Variants in CYFIP1 observed in about 807,000 individuals in gnomAD.
CYFIP1 encodes the protein cytoplasmic FMR1 interacting protein 1.
In CYFIP1, 58 loss-of-function variants were observed where a neutral mutation model predicts 163.5. That is an observed-to-expected ratio of 0.35 (90% CI 0.29 to 0.44). The LOEUF (loss-of-function observed/expected upper bound fraction) is 0.44. CYFIP1 is among the 20% of genes least tolerant of loss of function. CYFIP1 has a pLI of 1.00. For synonymous variants in CYFIP1, 663 were observed against 660.7 expected (o/e 1.00, Z -0.05); for missense variants, 1,338 against 1,653.8 (o/e 0.81, Z 3.31).
intron 1 of CYFIP1, among the ~76,000 whole-genome samples, chr15:22,973,385 C>G (rs929964389): frequency 8.0e-6 from 1 of 124,250 alleles, no homozygotes; most frequent in South Asian, 2.7e-4. Context: ...TTTTTCTACC[C>G]GTTCTTCACT....
chr15:22,970,010 AATT>A (rs2063037147), intron 1 of CYFIP1, among the ~76,000 whole-genome samples: 1 of 152,192 alleles, frequency 6.6e-6, no homozygotes, highest in South Asian at 2.1e-4. Context: ...ATTCCATAAT[AATT>A]ATTAGTTAGA....
intron 24 of CYFIP1, among the ~76,000 whole-genome samples, chr15:22,882,384 G>C (rs1010252413): frequency 6.6e-6 from 1 of 152,266 alleles, no homozygotes; most frequent in Non-Finnish European, 1.5e-5. Flanking sequence ...AGCGGGTCCT[G>C]GAAGGACCTG....
At chr15:22,871,974 G>A (rs542094391) in intron 30 of CYFIP1, among the ~76,000 whole-genome samples, 1 of 152,214 alleles carries the variant, frequency 6.6e-6, no homozygotes, top group East Asian at 1.9e-4. Context: ...AGCCTGTGGT[G>A]ATTTGTTGTC....
chr15:22,899,211 G>A (rs1417972595), intron 22 of CYFIP1, among the ~76,000 whole-genome samples: 1 of 152,080 alleles, frequency 6.6e-6, no homozygotes, highest in African/African-American at 2.4e-5. Flanking sequence ...TAAGAATAAT[G>A]AAGCAAGGAT....
chr15:22,935,398 A>G (rs879743903), intron 9 of CYFIP1, among the ~76,000 whole-genome samples: 1 of 152,112 alleles, frequency 6.6e-6, no homozygotes, highest in Non-Finnish European at 1.5e-5. Context: ...CGAAACCCCT[A>G]CCTCCTACCA....
chr15:22,932,836 C>A (rs771805132), intron 10 of CYFIP1, among the ~76,000 whole-genome samples: 5 of 152,026 alleles, frequency 3.3e-5, no homozygotes, highest in Non-Finnish European at 7.4e-5. Context: ...TCAGTCTCTT[C>A]TTTTTTTCTT....
chr15:22,901,378 C>T (rs563422284), intron 22 of CYFIP1, among the ~76,000 whole-genome samples: 1 of 152,142 alleles, frequency 6.6e-6, no homozygotes, highest in Non-Finnish European at 1.5e-5. Context: ...AACTTTTAAA[C>T]AGAAAAATGG....
chr15:22,871,016 G>A lies in CYFIP1; in HGVS notation c.3598-824C>T, dbSNP rs776870628. ...CTCAGGGGCAGATGCCAACAGCGGC[G>A]GTGGGGTGAGGAGCAGCCCGGGCGT... On this transcript the variant is annotated intron_variant, in intron 30 of 30. Coordinates refer to ENST00000617928, the MANE Select transcript of CYFIP1 (RefSeq NM_014608.6). Among the ~76,000 whole-genome samples the A allele has an allele frequency of 3.9e-5, 6 of 152,206 alleles. 1 individual carries two copies. Among genetic ancestry groups the A allele is most frequent in the South Asian group, 4.1e-4 (2 of 4,834 alleles).
chr15:22,869,795 G>T lies in CYFIP1; in HGVS notation c.*233C>A, dbSNP rs2059371829. 1 of 370,492 alleles carries T rather than the reference G, an allele frequency of 2.7e-6. No homozygotes were observed. Among genetic ancestry groups the T allele is most frequent in the Non-Finnish European group, 4.7e-6 (1 of 211,312 alleles). The allele number at this position is 370,492 out of a possible 1,614,324, so 23.0% of individuals were successfully genotyped here. ...ATCCCATAGAAAAACAATTTTGTAGGAACGTGATGGCAACAATCAGCAGCC... is the reference window on the plus strand; with the variant it reads ...ATCCCATAGAAAAACAATTTTGTAGTAACGTGATGGCAACAATCAGCAGCC... On this transcript the variant is annotated 3_prime_UTR_variant, in exon 31 of 31. Transcript: ENST00000617928.
chr15:22,939,367 G>A (rs761079927), intron 7 of CYFIP1, 44 bp downstream of exon 7: 90 of 1,613,826 alleles, frequency 5.6e-5, no homozygotes, highest in South Asian at 1.5e-4. Flanking sequence ...GCGCCCGGCC[G>A]GCTGCTTGGC....
intron 3 of CYFIP1, among the ~76,000 whole-genome samples, chr15:22,946,462 G>A (rs1595678782): frequency 6.6e-6 from 1 of 151,990 alleles, no homozygotes; most frequent in South Asian, 2.1e-4. Flanking sequence ...CCAACATGGT[G>A]AAACCCTGTC....
chr15:22,901,527 GAA>G (rs1163145348), intron 22 of CYFIP1, among the ~76,000 whole-genome samples: 2 of 152,166 alleles, frequency 1.3e-5, no homozygotes, highest in Non-Finnish European at 2.9e-5. Context: ...TGGTCTTCTG[GAA>G]AAGAGGCCTA....
chr15:22,952,659 C>CAAAAAA lies in CYFIP1; in HGVS notation c.-6-5374_-6-5369dup, dbSNP rs3083512. ...GACAGAGTGAGGTGAGACTCCATCTCAAAAAAAAAAAAAAAAGGTAAACAT... is the reference window on the plus strand; with the variant it reads ...GACAGAGTGAGGTGAGACTCCATCTCAAAAAAAAAAAAAAAAAAAAAAGGTAAACAT... On this transcript the variant is annotated intron_variant, in intron 1 of 30. Coordinates refer to ENST00000617928, the MANE Select transcript of CYFIP1 (RefSeq NM_014608.6). Among the ~76,000 whole-genome samples the CAAAAAA allele has an allele frequency of 2.2e-3, 100 of 45,682 alleles. 5 individuals are homozygous for CAAAAAA. The highest frequency in any genetic ancestry group is 9.8e-3 in the African/African-American group (97 of 9,948). 30.0% of individuals were successfully genotyped at this position (45,682 alleles called of 152,430 possible).
Position 22,899,546 on chromosome 15 carries a change from T to G in CYFIP1, c.2588+4160A>C, listed in dbSNP as rs541595509. Among the ~76,000 whole-genome samples the G allele has an allele frequency of 2.0e-4, 12 of 59,368 alleles. No homozygotes were observed. In the South Asian group the frequency reaches 8.9e-3, roughly 44 times the overall value. 38.9% of individuals were successfully genotyped at this position (59,368 alleles called of 152,430 possible). The stretch of plus-strand genomic sequence containing the variant: ...CATGGTTTTAAAAGGTGAGTTTCCC[T>G]GCACAAGCTCTCTCTCGTCTGCTGC... On this transcript the variant is annotated intron_variant, in intron 22 of 30. Coordinates refer to ENST00000617928, the MANE Select transcript of CYFIP1 (RefSeq NM_014608.6).
In CYFIP1 at chr15:22,954,056, A is replaced by AAAAAAC. The variant is rs67394117; in HGVS notation, c.-6-6771_-6-6766dup. On this transcript the variant is annotated intron_variant, in intron 1 of 30. Transcript: ENST00000617928. Reference sequence around the variant, plus strand: ...GGGTGACAGAGCGAAGACTGTCTCAAAAAAACAAAAACAAAAACAAAAACA... The same window carrying AAAAAAC: ...GGGTGACAGAGCGAAGACTGTCTCAAAAAAACAAAAACAAAAACAAAAACAAAAACA... Among the ~76,000 whole-genome samples, 55 of 151,754 alleles carry AAAAAAC rather than the reference A, an allele frequency of 3.6e-4. 3 individuals carry two copies. In the South Asian group the frequency reaches 9.0e-3, roughly 25 times the overall value.
rs1485495708 is a variant in CYFIP1, at chr15:22,867,077, G to T, written c.*2951C>A. 4.0e-6 allele frequency: 2 copies of T among 504,410 alleles called. No individual in the cohort carries two copies. Among genetic ancestry groups the T allele is most frequent in the Non-Finnish European group, 6.9e-6 (2 of 290,276 alleles). The allele number at this position is 504,410 out of a possible 1,614,324, so 31.2% of individuals were successfully genotyped here. A position where few individuals can be genotyped will look rare whatever the true frequency, so the allele number is the denominator to read the frequency against. ...TTTCTATTAACATTTTATTGTTGTA[G>T]AAGTATTTTACATTTTCATCCCTTC... is the stretch of plus-strand genomic sequence containing the variant. On this transcript the variant is annotated 3_prime_UTR_variant, in exon 31 of 31. Transcript: ENST00000617928.
At chr15:22,968,565 G>A (rs35090384) in intron 1 of CYFIP1, among the ~76,000 whole-genome samples, 43,225 of 152,042 alleles carry the variant, frequency 0.28, 6,866 homozygotes, top group East Asian at 0.43. Context: ...ACATCCACAC[G>A]TATCCTGCTG....
intron 26 of CYFIP1, among the ~76,000 whole-genome samples, chr15:22,876,470 T>C (rs2059587425): frequency 6.6e-6 from 1 of 152,172 alleles, no homozygotes; most frequent in Admixed American, 6.5e-5. Flanking sequence ...CTTCAAACTC[T>C]TGTGGTTCTA....
Position 22,937,004 on chromosome 15 carries a change from G to A in CYFIP1, c.900+100C>T, listed in dbSNP as rs149414525. ...GCCCCAGACTCCACCCAGCCCCAGC[G>A]TTTCCTGATATAGATCACAGTCACA... is the stretch of plus-strand genomic sequence containing the variant. On this transcript the variant is annotated intron_variant, in intron 9 of 30. Coordinates refer to ENST00000617928, the MANE Select transcript of CYFIP1 (RefSeq NM_014608.6). The A allele has an allele frequency of 5.8e-4, 459 of 797,372 alleles. 2 individuals are homozygous for A. The highest frequency in any genetic ancestry group is 3.9e-3 in the East Asian group (149 of 37,916). The allele number at this position is 797,372 out of a possible 1,614,324, so 49.4% of individuals were successfully genotyped here. A position where few individuals can be genotyped will look rare whatever the true frequency, so the allele number is the denominator to read the frequency against.
Sources: gnomAD v4.1 joint callset for allele counts (sites outside exome capture counted in the v4.1 genomes callset) on GRCh38, gnomAD v4.1.1 for gene constraint, MANE v1.5 for transcripts, NCBI Gene and HGNC (gene_info 2026-07-23, HGNC 2026-07-21) for gene names.